ULBP1: variants seen among roughly 807,000 people sequenced by gnomAD.
ULBP1 encodes the protein UL16-binding protein 1.
ULBP1 carries 28 observed loss-of-function variants against 25.3 expected under a neutral mutation model. That is an observed-to-expected ratio of 1.10 (90% CI 0.82 to 1.51). The LOEUF (loss-of-function observed/expected upper bound fraction) is 1.51. ULBP1 is among the 40% of genes most tolerant of loss of function. ULBP1 has a pLI of 0.00. For synonymous variants in ULBP1, 129 were observed against 103.0 expected (o/e 1.25, Z -1.53); for missense variants, 348 against 290.9 (o/e 1.20, Z -1.43).
At chr6:149,964,230 C>T (rs1361332120) in intron 1 of ULBP1, 96 bp downstream of exon 1, 1 of 1,359,248 alleles carries the variant, frequency 7.4e-7, no homozygotes, top group Non-Finnish European at 1.0e-6. Context: ...TCTGGAAGGA[C>T]CGGCGCGATC....
rs1029415736 is a variant in ULBP1, at chr6:149,971,922, T to C, written c.*576T>C. The C allele has an allele frequency of 2.0e-5, 3 of 152,172 alleles. No individual in the cohort carries two copies. The highest frequency in any genetic ancestry group is 4.8e-5 in the African/African-American group (2 of 41,446). 9.4% of individuals were successfully genotyped at this position (152,172 alleles called of 1,614,324 possible). On this transcript the variant is annotated 3_prime_UTR_variant, in exon 5 of 5. Coordinates refer to ENST00000229708, the MANE Select transcript of ULBP1 (RefSeq NM_025218.4). ...GTAATCTCCAGCTCCTGGGCTCAAG[T>C]GATCCTCTAGACTCAGCCTCTAGAA...
intron 3 of ULBP1, 139 bp downstream of exon 3, chr6:149,969,499 G>A: frequency 1.7e-6 from 2 of 1,203,032 alleles, no homozygotes; most frequent in Admixed American, 4.4e-5. Context: ...TGGGGGTCCT[G>A]GCATGCCTGT....
intron 1 of ULBP1, among the ~76,000 whole-genome samples, chr6:149,965,232 G>A (rs1375819008): frequency 2.6e-5 from 3 of 116,928 alleles, no homozygotes; most frequent in Non-Finnish European, 4.9e-5. Flanking sequence ...CGGTCTACCC[G>A]AACATCGCGG....
At chr6:149,966,141 G>A (rs1582824327) in intron 1 of ULBP1, among the ~76,000 whole-genome samples, 4 of 152,252 alleles carry the variant, frequency 2.6e-5, no homozygotes, top group East Asian at 1.9e-4. Context: ...TTCTAGAAAG[G>A]AAAGGCTGAA....
intron 1 of ULBP1, among the ~76,000 whole-genome samples, chr6:149,965,192 C>A (rs1290824370): frequency 8.0e-6 from 1 of 124,292 alleles, no homozygotes; most frequent in Non-Finnish European, 1.5e-5. Flanking sequence ...ATCGCGGTCT[C>A]CCCGAACATC....
In ULBP1 at chr6:149,969,327, T is replaced by C. The variant is rs1779266218; in HGVS notation, c.592T>C (p.Leu198=). The change falls in exon 3 of 5, where the codon TTG becomes CTG. Residue 198 remains leucine, a synonymous_variant. Coordinates refer to ENST00000229708, the MANE Select transcript of ULBP1 (RefSeq NM_025218.4). The part of the protein sequence containing the change: ...GDCKMWLEEF[L]MYWEQMLDPT... The stretch of plus-strand genomic sequence containing the variant: ...TTGTAAGATGTGGCTTGAAGAATTT[T>C]TGATGTACTGGGAACAAATGCTGGA... 1 of 1,613,962 alleles carries C rather than the reference T, an allele frequency of 6.2e-7. No homozygotes were observed. Among genetic ancestry groups the C allele is most frequent in the South Asian group, 1.1e-5 (1 of 91,090 alleles).
chr6:149,966,091 T>A (rs879869453), intron 1 of ULBP1, among the ~76,000 whole-genome samples: 3 of 151,980 alleles, frequency 2.0e-5, no homozygotes, highest in African/African-American at 7.3e-5. Context: ...GCCAGGGTCA[T>A]ATAGAATAGT....
In ULBP1 at chr6:149,972,770, C is replaced by T. The variant is rs1779340686; in HGVS notation, c.*1424C>T. 6.6e-6 allele frequency: 1 copy of T among 152,230 alleles called. No homozygotes were observed. The highest frequency in any genetic ancestry group is 2.4e-5 in the African/African-American group (1 of 41,454). 9.4% of individuals were successfully genotyped at this position (152,230 alleles called of 1,614,324 possible). Reference sequence around the variant, plus strand: ...TGAAAAAATGCTCAGTATCACTAATCATCAGATAAGTGCAAATCAAAACTG... The same window carrying T: ...TGAAAAAATGCTCAGTATCACTAATTATCAGATAAGTGCAAATCAAAACTG... On this transcript the variant is annotated 3_prime_UTR_variant, in exon 5 of 5. Transcript: ENST00000229708.
chr6:149,970,820 G>T (rs1274810578), intron 4 of ULBP1, among the ~76,000 whole-genome samples: 1 of 152,380 alleles, frequency 6.6e-6, no homozygotes, highest in African/African-American at 2.4e-5. Context: ...GCCAGCTGAT[G>T]GCCCTGCCTG....
chr6:149,969,548 T>C (rs573591818), intron 3 of ULBP1, among the ~76,000 whole-genome samples, 188 bp downstream of exon 3: 1 of 152,142 alleles, frequency 6.6e-6, no homozygotes, highest in Non-Finnish European at 1.5e-5. Context: ...CCCTGACTCC[T>C]CTTCCTCACT....
At chr6:149,965,550 C>T (rs891206352) in intron 1 of ULBP1, among the ~76,000 whole-genome samples, 5 of 152,158 alleles carry the variant, frequency 3.3e-5, no homozygotes, top group Admixed American at 3.3e-4. Context: ...ACCAGATTCC[C>T]GAACCCTAGC....
At position 149,973,241 on chromosome 6, in the gene ULBP1, A is replaced by C. The variant is rs1294065591; in HGVS notation, c.*1895A>C. ...CTAATGCAAGAACAGAAAACCACAT[A>C]CTGCATCTTCCCATTGGAAAGTGGC... On this transcript the variant is annotated 3_prime_UTR_variant, in exon 5 of 5. Coordinates refer to ENST00000229708, the MANE Select transcript of ULBP1 (RefSeq NM_025218.4). The C allele has an allele frequency of 6.6e-6, 1 of 152,230 alleles. No individual in the cohort carries two copies. The highest frequency in any genetic ancestry group is 1.9e-4 in the East Asian group (1 of 5,208). The allele number at this position is 152,230 out of a possible 1,614,324, so 9.4% of individuals were successfully genotyped here. A position where few individuals can be genotyped will look rare whatever the true frequency, so the allele number is the denominator to read the frequency against.
At chr6:149,968,084 A>G (rs1438202864) in intron 1 of ULBP1, among the ~76,000 whole-genome samples, 1 of 152,204 alleles carries the variant, frequency 6.6e-6, no homozygotes, top group Non-Finnish European at 1.5e-5. Context: ...AAGGTTCCAG[A>G]AATGCATGCT....
chr6:149,969,138 G>A lies in ULBP1; in HGVS notation c.403G>A (p.Gly135Ser), dbSNP rs369005799. 37 of 1,614,068 alleles carry A rather than the reference G, an allele frequency of 2.3e-5. No homozygotes were observed. Among genetic ancestry groups the A allele is most frequent in the African/African-American group, 2.3e-4 (17 of 74,928 alleles). The part of the protein sequence containing the change: ...MSCEHEAHGH[G>S]RGSWQFLFNG... ...TTGTGAGCATGAAGCCCATGGACAC[G>A]GCAGAGGATCTTGGCAGTTCCTCTT... Residue 135 changes from glycine to serine, a missense_variant, in exon 3 of 5, where the codon GGC becomes AGC. Transcript: ENST00000229708.
At chr6:149,969,013 G>A (rs1276802568) in intron 2 of ULBP1, 72 bp from the exon 3 acceptor site, 1 of 1,575,618 alleles carries the variant, frequency 6.3e-7, no homozygotes, top group African/African-American at 1.4e-5. Flanking sequence ...GCAAGTCCAG[G>A]AGCCAGGAAA....
chr6:149,970,220 C>A lies in ULBP1; in HGVS notation c.*22+73C>A, dbSNP rs1407374919. On this transcript the variant is annotated intron_variant, in intron 4 of 4. Coordinates refer to ENST00000229708, the MANE Select transcript of ULBP1 (RefSeq NM_025218.4). ...TGGGAGGATGTGGAAGGAGAATTCC[C>A]AGAGTCCCAGAGGCCGGGAACTTCT... 5 of 1,500,654 alleles carry A rather than the reference C, an allele frequency of 3.3e-6. No individual in the cohort carries two copies. The African/African-American group carries it at 5.6e-5, about 17-fold the overall frequency. 93.0% of individuals were successfully genotyped at this position (1,500,654 alleles called of 1,614,324 possible).
At chr6:149,970,301 G>T (rs527902775) in intron 4 of ULBP1, among the ~76,000 whole-genome samples, 154 bp downstream of exon 4, 1 of 152,278 alleles carries the variant, frequency 6.6e-6, no homozygotes, top group African/African-American at 2.4e-5. Context: ...GCAATGACCT[G>T]GGCAGCTCAA....
chr6:149,970,561 C>A (rs1335277614), intron 4 of ULBP1, among the ~76,000 whole-genome samples: 1 of 152,204 alleles, frequency 6.6e-6, no homozygotes, highest in African/African-American at 2.4e-5. Flanking sequence ...CTGGAGGAGG[C>A]TAAGAAGAGA....
intron 3 of ULBP1, 88 bp downstream of exon 3, chr6:149,969,448 T>G: frequency 6.5e-7 from 1 of 1,529,690 alleles, no homozygotes; most frequent in Non-Finnish European, 8.9e-7. Flanking sequence ...TGTGTGTGTT[T>G]GAGTGAGTAT....
Sources: allele counts gnomAD v4.1 joint callset (sites outside exome capture counted in the v4.1 genomes callset), GRCh38; gene constraint gnomAD v4.1.1; transcripts MANE v1.5; gene names NCBI Gene and HGNC (gene_info 2026-07-23, HGNC 2026-07-21).